IFTAP: variants seen among roughly 807,000 people sequenced by gnomAD.
IFTAP encodes intraflagellar transport associated protein.
In IFTAP, 19 loss-of-function variants were observed where a neutral mutation model predicts 19.4. That is an observed-to-expected ratio of 0.98 (90% CI 0.68 to 1.44). The LOEUF is 1.44. Ranked by LOEUF, IFTAP falls within the 40% of genes most tolerant of loss-of-function variation. The pLI, the probability that IFTAP is intolerant of heterozygous loss-of-function variation, is 0.00. For synonymous variants in IFTAP, 85 were observed against 83.5 expected, an observed-to-expected ratio of 1.02 and a Z score of -0.10; for missense variants, 240 against 253.6, an observed-to-expected ratio of 0.95 and a Z score of 0.36.
rs190887088 is a variant in IFTAP at position 36,650,930 on chromosome 11, C to T, written c.498+2775C>T. 1.5e-3 allele frequency among the ~76,000 whole-genome samples: 226 copies of T among 152,226 alleles called. 1 individual carries two copies. Among genetic ancestry groups the T allele is most frequent in the African/African-American group, 5.1e-3 (212 of 41,538 alleles). ...ATAGTATTCCATGGTGTATATGTGCCGCATTTTCTTAATCCAGTCTATCAT... is the reference window on the plus strand; with the variant it reads ...ATAGTATTCCATGGTGTATATGTGCTGCATTTTCTTAATCCAGTCTATCAT... On this transcript the variant is annotated intron_variant, in intron 5 of 5. Transcript: ENST00000334307.
At chr11:36,643,655 G>A (rs1353122158) in intron 4 of IFTAP, among the ~76,000 whole-genome samples, 1 of 152,148 alleles carries the variant, frequency 6.6e-6, no homozygotes, top group African/African-American at 2.4e-5. Flanking sequence ...CAGAGATATA[G>A]ACCAATGGAA....
intron 1 of IFTAP, among the ~76,000 whole-genome samples, chr11:36,606,379 C>A (rs1168935650): frequency 6.6e-6 from 1 of 152,180 alleles, no homozygotes; most frequent in Non-Finnish European, 1.5e-5. Flanking sequence ...AGGAGAATTG[C>A]TTAAACCTGG....
chr11:36,641,714 T>C (rs1010489304), intron 4 of IFTAP, among the ~76,000 whole-genome samples: 1 of 152,188 alleles, frequency 6.6e-6, no homozygotes, highest in African/African-American at 2.4e-5. Context: ...AGTTTTGGAA[T>C]AGGTGGGGTG....
chr11:36,640,986 C>A (rs867460759), intron 4 of IFTAP, among the ~76,000 whole-genome samples: 1 of 152,040 alleles, frequency 6.6e-6, no homozygotes, highest in African/African-American at 2.4e-5. Context: ...GGAAAATAAC[C>A]TTTGAAAAAC....
intron 2 of IFTAP, among the ~76,000 whole-genome samples, chr11:36,611,742 GTTAAC>G (rs1851883275): frequency 6.6e-6 from 1 of 152,018 alleles, no homozygotes; most frequent in African/African-American, 2.4e-5. Context: ...GAACTAGCTA[GTTAAC>G]TTTGACGCTG....
chr11:36,640,707 G>C (rs1016206656), intron 4 of IFTAP, among the ~76,000 whole-genome samples: 8 of 152,188 alleles, frequency 5.3e-5, no homozygotes, highest in Non-Finnish European at 1.2e-4. Context: ...CTCGTATCTA[G>C]TACTGTGAGC....
intron 5 of IFTAP, among the ~76,000 whole-genome samples, chr11:36,653,964 G>A (rs972833644): frequency 7.2e-5 from 11 of 152,048 alleles, no homozygotes; most frequent in Non-Finnish European, 1.3e-4. Flanking sequence ...GTTCATTCCC[G>A]TCAACATGTA....
intron 1 of IFTAP, chr11:36,598,162 T>C (rs1851354886): frequency 6.6e-6 from 1 of 152,052 alleles, no homozygotes; most frequent in Non-Finnish European, 1.5e-5. Flanking sequence ...CAGGTATTAA[T>C]TGTCAGCACT....
chr11:36,628,321 CT>C (rs1359282920), intron 2 of IFTAP, among the ~76,000 whole-genome samples: 1 of 151,236 alleles, frequency 6.6e-6, no homozygotes, highest in Non-Finnish European at 1.5e-5. Context: ...GGAATTTTCC[CT>C]TTGTAAAATG....
At chr11:36,599,108 C>G (rs111512474) in intron 1 of IFTAP, among the ~76,000 whole-genome samples, 14,431 of 152,148 alleles carry the variant, frequency 0.095, 846 homozygotes, top group African/African-American at 0.15. Flanking sequence ...ATTCTCCTAC[C>G]TCAGCCTCCC....
chr11:36,625,410 C>T (rs1201722028), intron 2 of IFTAP, among the ~76,000 whole-genome samples: 2 of 152,092 alleles, frequency 1.3e-5, no homozygotes, highest in Non-Finnish European at 2.9e-5. Context: ...TTTTTCCCCT[C>T]ACCACTCTAC....
At position 36,602,602 on chromosome 11, in the gene IFTAP, G is replaced by A. The variant is rs1851547226; in HGVS notation, c.-23-7479G>A. Among the ~76,000 whole-genome samples the A allele has an allele frequency of 2.0e-5, 3 of 152,022 alleles. No homozygotes were observed. The South Asian group carries it at 6.2e-4, about 32-fold the overall frequency. On this transcript the variant is annotated intron_variant, in intron 1 of 5. Transcript: ENST00000334307. Reference sequence around the variant, plus strand: ...CTTTATGGATTCACAGTTTTATCAGGAGTCTTGAAAAAAGTGTTCACTGAA... The same window carrying A: ...CTTTATGGATTCACAGTTTTATCAGAAGTCTTGAAAAAAGTGTTCACTGAA...
intron 2 of IFTAP, among the ~76,000 whole-genome samples, chr11:36,611,510 C>T (rs1387777173): frequency 2.0e-5 from 3 of 151,594 alleles, no homozygotes; most frequent in Non-Finnish European, 4.4e-5. Flanking sequence ...GTAATGTGTC[C>T]CAAAGAAATG....
intron 2 of IFTAP, among the ~76,000 whole-genome samples, chr11:36,616,419 C>T (rs1037249915): frequency 1.3e-5 from 2 of 151,872 alleles, no homozygotes; most frequent in African/African-American, 4.8e-5. Context: ...GTCAACTCAA[C>T]CTCCCTTTTT....
At chr11:36,633,740 G>A (rs1013257172) in intron 3 of IFTAP, among the ~76,000 whole-genome samples, 1 of 152,028 alleles carries the variant, frequency 6.6e-6, no homozygotes, top group African/African-American at 2.4e-5. Context: ...TGGGACAAAA[G>A]AGCTCCTTTC....
At chr11:36,655,241 G>C (rs1364119858) in intron 5 of IFTAP, among the ~76,000 whole-genome samples, 1 of 151,986 alleles carries the variant, frequency 6.6e-6, no homozygotes, top group East Asian at 1.9e-4. Flanking sequence ...TCCATGGTCT[G>C]CTCATGGAAA....
At chr11:36,625,460 A>G (rs73437967) in intron 2 of IFTAP, among the ~76,000 whole-genome samples, 14,415 of 152,240 alleles carry the variant, frequency 0.095, 842 homozygotes, top group African/African-American at 0.15. Flanking sequence ...ACATTATATT[A>G]TGAACACCTC....
intron 4 of IFTAP, among the ~76,000 whole-genome samples, chr11:36,645,791 G>A (rs916318383): frequency 2.6e-5 from 4 of 151,956 alleles, no homozygotes; most frequent in Non-Finnish European, 5.9e-5. Flanking sequence ...TCTTATTCCT[G>A]TAACGTTTAG....
intron 2 of IFTAP, among the ~76,000 whole-genome samples, chr11:36,619,719 G>A (rs1366243086): frequency 6.6e-6 from 1 of 151,984 alleles, no homozygotes; most frequent in Non-Finnish European, 1.5e-5. Context: ...CTTCCAGGTG[G>A]CACTGAAGCC....
Sources: allele counts gnomAD v4.1 joint callset (sites outside exome capture counted in the v4.1 genomes callset), GRCh38; gene constraint gnomAD v4.1.1; transcripts MANE v1.5; gene names NCBI Gene and HGNC (gene_info 2026-07-23, HGNC 2026-07-21).